Variants in CSMD1 observed in about 807,000 individuals in gnomAD.
CSMD1 encodes the protein CUB and Sushi multiple domains 1.
CSMD1 carries 213 observed loss-of-function variants against 417.5 expected under a neutral mutation model. The observed-to-expected ratio is 0.51, with a 90% CI of 0.46 to 0.57. CSMD1 has a LOEUF of 0.57. Among genes scored for constraint, CSMD1 ranks in the 20% least tolerant of loss-of-function variants. The pLI is 0.00. For synonymous variants in CSMD1, 2,862 were observed against 1,736.8 expected (o/e 1.65, Z -16.11); for missense variants, 6,923 against 4,529.7 (o/e 1.53, Z -15.17).
chr8:3,138,068 A>AC (rs1380003250), intron 41 of CSMD1, among the ~76,000 whole-genome samples: 1 of 151,670 alleles, frequency 6.6e-6, no homozygotes, highest in Non-Finnish European at 1.5e-5. Flanking sequence ...TCTACTAAAA[A>AC]TAAAAAAATT....
intron 64 of CSMD1, among the ~76,000 whole-genome samples, chr8:2,955,231 C>T (rs73657528): frequency 8.1e-4 from 123 of 152,318 alleles, no homozygotes; most frequent in African/African-American, 2.8e-3. Flanking sequence ...TCATTTTCAT[C>T]TCTAAGAACT....
chr8:3,985,609 ACAGG>A (rs1814263576), intron 5 of CSMD1, among the ~76,000 whole-genome samples: 1 of 152,194 alleles, frequency 6.6e-6, no homozygotes, highest in Admixed American at 6.5e-5. Flanking sequence ...ACCTTCTAGT[ACAGG>A]AAGATCCTTG....
At chr8:3,690,098 T>C (rs1009134453) in intron 7 of CSMD1, among the ~76,000 whole-genome samples, 9 of 152,148 alleles carry the variant, frequency 5.9e-5, no homozygotes, top group Admixed American at 2.6e-4. Flanking sequence ...GTGGCCAACA[T>C]CTGTAATCCC....
At chr8:4,972,897 C>A (rs1810328123) in intron 1 of CSMD1, among the ~76,000 whole-genome samples, 1 of 152,060 alleles carries the variant, frequency 6.6e-6, no homozygotes, top group Admixed American at 6.6e-5. Flanking sequence ...GGTACTGGGA[C>A]CTACCTTGTG....
At chr8:4,148,562 G>A (rs1441316606) in intron 3 of CSMD1, among the ~76,000 whole-genome samples, 1 of 151,984 alleles carries the variant, frequency 6.6e-6, no homozygotes, top group Non-Finnish European at 1.5e-5. Context: ...TGGAGGCTGA[G>A]ACATTCAAGC....
At chr8:3,007,426 T>C (rs1453738522) in intron 52 of CSMD1, among the ~76,000 whole-genome samples, 2 of 151,360 alleles carry the variant, frequency 1.3e-5, no homozygotes, top group African/African-American at 4.9e-5. Flanking sequence ...ACTGGGTATA[T>C]ACCCAAAGGA....
chr8:4,153,431 C>T (rs1404176720), intron 3 of CSMD1, among the ~76,000 whole-genome samples: 1 of 152,180 alleles, frequency 6.6e-6, no homozygotes, highest in Non-Finnish European at 1.5e-5. Context: ...TTGCCTGTGC[C>T]CCGCACTTAG....
chr8:2,956,535 G>A (rs924281862), intron 63 of CSMD1, among the ~76,000 whole-genome samples: 3 of 151,940 alleles, frequency 2.0e-5, no homozygotes, highest in African/African-American at 7.3e-5. Flanking sequence ...CTCGCTGCAA[G>A]CTCCTCCTCC....
chr8:3,859,234 C>G (rs933926803), intron 5 of CSMD1, among the ~76,000 whole-genome samples: 2 of 152,216 alleles, frequency 1.3e-5, no homozygotes, highest in Non-Finnish European at 1.5e-5. Context: ...TTCAACTTCT[C>G]AAGTGAACGC....
intron 3 of CSMD1, among the ~76,000 whole-genome samples, chr8:4,311,071 T>C (rs73191960): frequency 0.63 from 95,035 of 152,034 alleles, 30,674 homozygotes; most frequent in East Asian, 0.86. Context: ...TTAGTTCAAC[T>C]ACTGTGGAAA....
At chr8:4,948,555 A>G (rs10104917) in intron 1 of CSMD1, among the ~76,000 whole-genome samples, 149,017 of 152,100 alleles carry the variant, frequency 0.98, 73,049 homozygotes, top group East Asian at 1. Flanking sequence ...TCTGCTAGAA[A>G]ATTTATTCAT....
chr8:4,813,383 A>G (rs896305711), intron 1 of CSMD1, among the ~76,000 whole-genome samples: 1 of 152,218 alleles, frequency 6.6e-6, no homozygotes, highest in Non-Finnish European at 1.5e-5. Flanking sequence ...GCTGCCACCA[A>G]GCCCATCTTA....
In CSMD1 at chr8:4,637,476, G is replaced by A; in HGVS notation, c.168C>T (p.Ala56=). The change falls in exon 2 of 70, where the codon GCC becomes GCT. Residue 56 remains alanine, a synonymous_variant. Coordinates refer to ENST00000635120, the MANE Select transcript of CSMD1 (RefSeq NM_033225.6). ...CCGTGATGATGATCCAGGTGCAGTT[G>A]GCATAGTTCGGATACCCGTGAGGAA... The part of the protein sequence containing the change: ...PGFPHGYPNY[A]NCTWIIITGE... 1 of 1,613,786 alleles carries A rather than the reference G, an allele frequency of 6.2e-7. No individual in the cohort carries two copies. Among genetic ancestry groups the A allele is most frequent in the Non-Finnish European group, 8.5e-7 (1 of 1,179,850 alleles).
chr8:3,554,646 T>C (rs935979088), intron 10 of CSMD1, among the ~76,000 whole-genome samples: 1 of 152,236 alleles, frequency 6.6e-6, no homozygotes, highest in African/African-American at 2.4e-5. Context: ...AGCCCATGAA[T>C]GGCAGCACCT....
chr8:3,359,243 G>A lies in CSMD1; in HGVS notation c.3213C>T (p.Cys1071=). 3 of 1,613,858 alleles carry A rather than the reference G, an allele frequency of 1.9e-6. 1 individual carries two copies. Among genetic ancestry groups the A allele is most frequent in the South Asian group, 2.2e-5 (2 of 91,082 alleles). Residue 1071 remains cysteine, a synonymous_variant, in exon 21 of 70, where the codon TGC becomes TGT. Transcript: ENST00000635120. ...CACCTTCTAAACGATATCCCAGGAA[G>A]CAGGAAAACGTCAGAGAGTCTCCCA... The part of the protein sequence containing the change: ...FGVGDSLTFS[C]FLGYRLEGAT...
At chr8:3,138,287 C>T (rs1818225994) in intron 41 of CSMD1, among the ~76,000 whole-genome samples, 1 of 152,162 alleles carries the variant, frequency 6.6e-6, no homozygotes, top group East Asian at 1.9e-4. Context: ...CCTTCTGGTT[C>T]CAGGTTGGGA....
At chr8:3,109,172 G>A (rs960618995) in intron 43 of CSMD1, among the ~76,000 whole-genome samples, 1 of 152,212 alleles carries the variant, frequency 6.6e-6, no homozygotes, top group Non-Finnish European at 1.5e-5. Flanking sequence ...GGCTAAGGCA[G>A]GAGAATTGCT....
intron 1 of CSMD1, among the ~76,000 whole-genome samples, chr8:4,927,146 C>T (rs1276019223): frequency 6.6e-6 from 1 of 150,822 alleles, no homozygotes; most frequent in Non-Finnish European, 1.5e-5. Flanking sequence ...CACTCTGTTG[C>T]ACCAGGCTGG....
At chr8:3,269,901 T>C (rs1323212336) in intron 26 of CSMD1, among the ~76,000 whole-genome samples, 4 of 152,178 alleles carry the variant, frequency 2.6e-5, no homozygotes, top group Non-Finnish European at 4.4e-5. Flanking sequence ...CTCCTTTTTC[T>C]AGTGGAGAAA....
Sources: gnomAD v4.1 joint callset for allele counts (sites outside exome capture counted in the v4.1 genomes callset) on GRCh38, gnomAD v4.1.1 for gene constraint, MANE v1.5 for transcripts, NCBI Gene and HGNC (gene_info 2026-07-23, HGNC 2026-07-21) for gene names.